Variants in DDX31 observed in about 807,000 individuals in gnomAD.
The protein encoded by DDX31 is DEAD-box helicase 31, also known as ATP-dependent DNA helicase DDX31.
Under a neutral mutation model 91.3 loss-of-function variants are expected in DDX31, and 70 were observed. That is an observed-to-expected ratio of 0.77 (90% CI 0.63 to 0.94). DDX31 has a LOEUF of 0.94. DDX31 is among the 40% of genes least tolerant of loss of function. The pLI is 0.00. For missense variants in DDX31, 902 were observed against 925.0 expected (o/e 0.98, Z 0.32); for synonymous variants, 362 against 350.6 (o/e 1.03, Z -0.36).
intron 6 of DDX31, among the ~76,000 whole-genome samples, chr9:132,656,494 G>A (rs1320713436): frequency 1.3e-5 from 2 of 152,100 alleles, no homozygotes; most frequent in African/African-American, 2.4e-5. Flanking sequence ...ACTGCCCGTC[G>A]GGTCTCAACA....
At chr9:132,669,640 C>A in intron 1 of DDX31, 2 of 1,530,936 alleles carry the variant, frequency 1.3e-6, no homozygotes, top group Non-Finnish European at 1.7e-6. Context: ...CCCGCCCCTC[C>A]ACACCGCTCC....
rs948998025 is a variant in DDX31, at chr9:132,661,228, T to A, written c.432A>T (p.Leu144Phe). 3.1e-6 allele frequency: 5 copies of A among 1,609,476 alleles called. No individual in the cohort carries two copies. The highest frequency in any genetic ancestry group is 1.7e-5 in the Admixed American group (1 of 59,026). ...PHLISTINTV[L>F]KMSSMTSVQK... Reference sequence around the variant, plus strand: ...CTTACCTGGTCATACTAGACATTTTTAAGACCGTATTTATTGTGGAAATCT... The same window carrying A: ...CTTACCTGGTCATACTAGACATTTTAAAGACCGTATTTATTGTGGAAATCT... Residue 144 changes from leucine to phenylalanine, a missense_variant, in exon 4 of 20, where the codon TTA becomes TTT. Leu to Phe is a conservative substitution (Grantham distance 22). Transcript: ENST00000372159.
At chr9:132,628,053 CAAAGAAACAGTT>C in intron 16 of DDX31, among the ~76,000 whole-genome samples, 1 of 152,324 alleles carries the variant, frequency 6.6e-6, no homozygotes, top group South Asian at 2.1e-4. Flanking sequence ...TGCATTAAGT[CAAAGAAACAGTT>C]CATGTATAGA....
intron 19 of DDX31, among the ~76,000 whole-genome samples, chr9:132,609,767 G>A (rs1160863816): frequency 2.0e-5 from 3 of 152,080 alleles, no homozygotes; most frequent in Non-Finnish European, 4.4e-5. Flanking sequence ...AATTACAGGC[G>A]CCTGTCACCA....
At position 132,646,832 on chromosome 9, in the gene DDX31, C is replaced by T. The variant is rs2130769219; in HGVS notation, c.1194G>A (p.Gln398=). The T allele has an allele frequency of 6.2e-7, 1 of 1,613,932 alleles. No homozygotes were observed. Among genetic ancestry groups the T allele is most frequent in the Non-Finnish European group, 8.5e-7 (1 of 1,179,918 alleles). The change falls in exon 12 of 20, where the codon CAG becomes CAA. Residue 398 remains glutamine, a synonymous_variant. Coordinates refer to ENST00000372159, the MANE Select transcript of DDX31 (RefSeq NM_022779.9). ...TAGCCCACAGTCCCACCTTGCATTT[C>T]TGAAGGATGAAGGCCGCTAGGCAGA... ...RLVCLAAFIL[Q]KCKFEEDQKM...
intron 16 of DDX31, among the ~76,000 whole-genome samples, chr9:132,626,232 C>T (rs1832383307): frequency 6.6e-6 from 1 of 152,216 alleles, no homozygotes; most frequent in South Asian, 2.1e-4. Context: ...AAAGCCCTGT[C>T]CCAGCAGCAC....
chr9:132,611,362 C>G (rs933255427), intron 19 of DDX31, among the ~76,000 whole-genome samples: 3 of 152,256 alleles, frequency 2.0e-5, no homozygotes, highest in Non-Finnish European at 2.9e-5. Flanking sequence ...CAGGGCCTCA[C>G]GCGCTCTGGC....
At chr9:132,628,025 T>C (rs529968645) in intron 16 of DDX31, among the ~76,000 whole-genome samples, 62 of 152,250 alleles carry the variant, frequency 4.1e-4, no homozygotes, top group Non-Finnish European at 7.5e-4. Flanking sequence ...GGTTTTGTTG[T>C]TGTCGTTGTT....
At chr9:132,638,473 C>G (rs1289717035) in intron 14 of DDX31, 2 of 1,469,642 alleles carry the variant, frequency 1.4e-6, no homozygotes, top group African/African-American at 2.8e-5. Context: ...CCAATGACTC[C>G]TTCTTGCTCA....
At chr9:132,640,482 T>C (rs984864629) in intron 14 of DDX31, among the ~76,000 whole-genome samples, 5 of 152,150 alleles carry the variant, frequency 3.3e-5, no homozygotes, top group African/African-American at 1.2e-4. Flanking sequence ...TAAGGATTTT[T>C]GACAAATTTC....
intron 1 of DDX31, chr9:132,663,313 T>C (rs1300851274): frequency 1.6e-6 from 2 of 1,288,956 alleles, no homozygotes; most frequent in Admixed American, 4.6e-5. Context: ...CTACGCCCTG[T>C]TCCCATTCCA....
At position 132,669,971 on chromosome 9, in the gene DDX31, C is replaced by G; in HGVS notation, c.-37G>C. Reference sequence around the variant, plus strand: ...GTGACGCGTGGTGCAGCAGCGAGCCCGGTGCGCAGACTGCTGGGCCCGGGA... The same window carrying G: ...GTGACGCGTGGTGCAGCAGCGAGCCGGGTGCGCAGACTGCTGGGCCCGGGA... On this transcript the variant is annotated 5_prime_UTR_variant, in exon 1 of 20. Transcript: ENST00000372159. 1 of 1,577,370 alleles carries G rather than the reference C, an allele frequency of 6.3e-7. No individual in the cohort carries two copies. Among genetic ancestry groups the G allele is most frequent in the Non-Finnish European group, 8.6e-7 (1 of 1,162,662 alleles).
chr9:132,620,986 C>A (rs777421954), intron 17 of DDX31, among the ~76,000 whole-genome samples: 3 of 152,210 alleles, frequency 2.0e-5, no homozygotes, highest in Admixed American at 6.5e-5. Context: ...AAAACACAGG[C>A]CATCAGAAAG....
chr9:132,658,331 CT>C, intron 6 of DDX31: 1 of 703,356 alleles, frequency 1.4e-6, no homozygotes, highest in Non-Finnish European at 2.6e-6. Flanking sequence ...CTCTGTTCTT[CT>C]TCGTAAAATG....
At chr9:132,597,316 C>A (rs115022388) in intron 19 of DDX31, among the ~76,000 whole-genome samples, 1 of 152,142 alleles carries the variant, frequency 6.6e-6, no homozygotes, top group Non-Finnish European at 1.5e-5. Context: ...ACAGGGCCTG[C>A]GGTTGGGCGC....
intron 17 of DDX31, among the ~76,000 whole-genome samples, chr9:132,621,124 T>G (rs1832005059): frequency 6.6e-6 from 1 of 152,158 alleles, no homozygotes; most frequent in Non-Finnish European, 1.5e-5. Context: ...GTTGGGTGTG[T>G]GTATACTTTG....
At chr9:132,633,727 T>C (rs1001658226) in intron 14 of DDX31, among the ~76,000 whole-genome samples, 2 of 152,066 alleles carry the variant, frequency 1.3e-5, no homozygotes, top group African/African-American at 4.8e-5. Context: ...AAGGACAGGA[T>C]AAAGATGGAA....
At chr9:132,654,592 G>A (rs538229162) in intron 6 of DDX31, among the ~76,000 whole-genome samples, 18 of 151,366 alleles carry the variant, frequency 1.2e-4, no homozygotes, top group Non-Finnish European at 2.2e-4. Flanking sequence ...CAGCCTGGGC[G>A]ACAGAGCGAG....
chr9:132,619,111 G>C (rs1313004331), intron 17 of DDX31, among the ~76,000 whole-genome samples: 38 of 152,190 alleles, frequency 2.5e-4, no homozygotes. Context: ...TAGCATCTGT[G>C]TGCATGCAAA....
Sources: allele counts gnomAD v4.1 joint callset (sites outside exome capture counted in the v4.1 genomes callset), GRCh38; gene constraint gnomAD v4.1.1; transcripts MANE v1.5; gene names NCBI Gene and HGNC (gene_info 2026-07-23, HGNC 2026-07-21).